The following ANXA11 variants were observed in gnomAD, a reference collection of about 807,000 sequenced individuals.
The protein encoded by ANXA11 is 56 kDa autoantigen.
ANXA11 carries 57 observed loss-of-function variants against 64.7 expected under a neutral mutation model. The ratio of observed to expected loss-of-function variants is 0.88; its 90% CI spans 0.71 to 1.10. ANXA11 has a LOEUF of 1.10. ANXA11 is among the 50% of genes least tolerant of loss of function. ANXA11 has a pLI of 0.00. For synonymous variants in ANXA11, 260 were observed against 265.2 expected, an observed-to-expected ratio of 0.98 and a Z score of 0.19; for missense variants, 675 against 670.7, an observed-to-expected ratio of 1.01 and a Z score of -0.07.
intron 1 of ANXA11, among the ~76,000 whole-genome samples, 163 bp downstream of exon 1, chr10:80,205,180 G>A (rs988614995): frequency 6.6e-6 from 1 of 151,964 alleles, no homozygotes; most frequent in Non-Finnish European, 1.5e-5. Flanking sequence ...GCGACCCGCC[G>A]ACGCCCTCCC....
At chr10:80,156,912 G>A in intron 15 of ANXA11, 1 of 778,316 alleles carries the variant, frequency 1.3e-6, no homozygotes, top group Non-Finnish European at 1.6e-6. Flanking sequence ...AGTCTAAGGT[G>A]GGAGGACGTG....
At chr10:80,170,453 A>G (rs1379724050) in intron 4 of ANXA11, among the ~76,000 whole-genome samples, 1 of 152,248 alleles carries the variant, frequency 6.6e-6, no homozygotes, top group Non-Finnish European at 1.5e-5. Context: ...ACACATGCAC[A>G]TGCAGGTATA....
chr10:80,193,894 A>G (rs1846880467), intron 1 of ANXA11, among the ~76,000 whole-genome samples: 1 of 150,668 alleles, frequency 6.6e-6, no homozygotes, highest in Non-Finnish European at 1.5e-5. Flanking sequence ...TCTGTCACCC[A>G]GGCTGGAATG....
chr10:80,175,605 G>GA, intron 2 of ANXA11, among the ~76,000 whole-genome samples: 1 of 151,794 alleles, frequency 6.6e-6, no homozygotes, highest in East Asian at 1.9e-4. Flanking sequence ...ATAAAGATGA[G>GA]AAAAAAACTT....
intron 3 of ANXA11, chr10:80,171,238 G>T: frequency 8.4e-7 from 1 of 1,196,776 alleles, no homozygotes; most frequent in Non-Finnish European, 1.0e-6. Flanking sequence ...GGAGCAGGAG[G>T]ACAGACAAGG....
rs1303357579 is a variant in ANXA11 at position 80,157,980 on chromosome 10, T to A, written c.1322A>T (p.Asn441Ile). The A allele has an allele frequency of 6.2e-7, 1 of 1,614,134 alleles. No individual in the cohort carries two copies. Residue 441 changes from asparagine (N) to isoleucine (I), a missense_variant, in exon 14 of 16, where the codon AAC becomes ATC. Physicochemically the swap from Asn to Ile is moderately radical, Grantham distance 149 (BLOSUM62 -3). Transcript: ENST00000422982. ...GAAGTTACATACCCTCATGGCCTTG[T>A]TGAGCCTCTCCGCAAAGAAGGCTGG... The part of the protein sequence containing the change: ...NTPAFFAERL[N>I]KAMRGAGTKD...
chr10:80,178,677 G>A (rs1373895915), intron 1 of ANXA11, among the ~76,000 whole-genome samples: 1 of 152,248 alleles, frequency 6.6e-6, no homozygotes, highest in Non-Finnish European at 1.5e-5. Context: ...CACCTCCAGA[G>A]TCTTTGAATC....
At chr10:80,200,938 A>C (rs1840392507) in intron 1 of ANXA11, among the ~76,000 whole-genome samples, 1 of 152,192 alleles carries the variant, frequency 6.6e-6, no homozygotes. Context: ...GGTCTGCCTG[A>C]GCACGGAGCG....
chr10:80,205,140 A>T (rs75006354), intron 1 of ANXA11, among the ~76,000 whole-genome samples: 9,602 of 152,002 alleles, frequency 0.063, 405 homozygotes, highest in Non-Finnish European at 0.098. Flanking sequence ...AGGCTGATCT[A>T]GGGGGCTGCC....
chr10:80,166,793 G>T, intron 7 of ANXA11, 97 bp downstream of exon 7: 1 of 939,246 alleles, frequency 1.1e-6, no homozygotes, highest in Non-Finnish European at 1.6e-6. Flanking sequence ...TGTCCATCCG[G>T]GAGATCCGGG....
chr10:80,168,925 G>A (rs1845851246), intron 5 of ANXA11, 44 bp downstream of exon 5: 1 of 1,465,052 alleles, frequency 6.8e-7, no homozygotes. Context: ...TCCAGCCTTT[G>A]GGGCCCAGGC....
At chr10:80,193,060 G>C (rs550171987) in intron 1 of ANXA11, among the ~76,000 whole-genome samples, 1 of 152,126 alleles carries the variant, frequency 6.6e-6, no homozygotes, top group Non-Finnish European at 1.5e-5. Context: ...GCAGGCCTGC[G>C]GAGCAACCAG....
At chr10:80,164,493 G>A (rs1009797468) in intron 8 of ANXA11, among the ~76,000 whole-genome samples, 9 of 152,238 alleles carry the variant, frequency 5.9e-5, no homozygotes, top group Admixed American at 5.2e-4. Context: ...TCAGCCGGAA[G>A]CGAGATGACA....
At chr10:80,205,172 G>A (rs918859187) in intron 1 of ANXA11, among the ~76,000 whole-genome samples, 171 bp downstream of exon 1, 2 of 151,976 alleles carry the variant, frequency 1.3e-5, no homozygotes, top group African/African-American at 2.4e-5. Flanking sequence ...GCCCGCCCGC[G>A]ACCCGCCGAC....
At chr10:80,166,042 G>GTGCGCACACACGCACA in intron 8 of ANXA11, 42 bp downstream of exon 8, 1 of 450,720 alleles carries the variant, frequency 2.2e-6, no homozygotes, top group Non-Finnish European at 3.8e-6. Flanking sequence ...ACACACGCGC[G>GTGCGCACACACGCACA]CACACACACA....
At chr10:80,197,042 C>A (rs1004062617) in intron 1 of ANXA11, among the ~76,000 whole-genome samples, 4 of 152,220 alleles carry the variant, frequency 2.6e-5, no homozygotes, top group Non-Finnish European at 5.9e-5. Flanking sequence ...TCCTAAAATA[C>A]TGGAGCTGGA....
chr10:80,201,361 G>A (rs1295012456), intron 1 of ANXA11, among the ~76,000 whole-genome samples: 3 of 151,982 alleles, frequency 2.0e-5, no homozygotes, highest in Non-Finnish European at 2.9e-5. Context: ...TCAGCTGTTC[G>A]AGGTGAGTTC....
intron 3 of ANXA11, chr10:80,171,637 ATGGG>A (rs1255386016): frequency 2.0e-6 from 2 of 985,390 alleles, no homozygotes; most frequent in African/African-American, 3.5e-5. Context: ...TGGGTGCCCG[ATGGG>A]CATTCGACAT....
At chr10:80,182,560 T>C (rs993949333) in intron 1 of ANXA11, among the ~76,000 whole-genome samples, 2 of 152,204 alleles carry the variant, frequency 1.3e-5, no homozygotes, top group African/African-American at 4.8e-5. Context: ...AGTTCTGGGA[T>C]ACATGTGCAG....
Sources: allele counts gnomAD v4.1 joint callset (sites outside exome capture counted in the v4.1 genomes callset), GRCh38; gene constraint gnomAD v4.1.1; transcripts MANE v1.5; gene names NCBI Gene and HGNC (gene_info 2026-07-23, HGNC 2026-07-21).